The following ATF7 variants were observed in gnomAD, a reference collection of about 807,000 sequenced individuals.
The protein encoded by ATF7 is activating transcription factor 7.
ATF7 carries 10 observed loss-of-function variants against 50.4 expected under a neutral mutation model. The ratio of observed to expected loss-of-function variants is 0.20; its 90% CI spans 0.12 to 0.34. The LOEUF (loss-of-function observed/expected upper bound fraction) is 0.34, where lower values mean the gene tolerates loss of function less well. ATF7 is among the 10% of genes least tolerant of loss of function. The pLI, the probability that ATF7 is intolerant of heterozygous loss-of-function variation, is 1.00. For synonymous variants in ATF7, 201 were observed against 226.4 expected, an observed-to-expected ratio of 0.89 and a Z score of 1.01; for missense variants, 465 against 613.9, an observed-to-expected ratio of 0.76 and a Z score of 2.56.
chr12:53,613,336 G>A (rs953523637), intron 1 of ATF7, among the ~76,000 whole-genome samples: 3 of 152,148 alleles, frequency 2.0e-5, no homozygotes, highest in Non-Finnish European at 2.9e-5. Flanking sequence ...ACATTAAAGA[G>A]ATCTGAAGTT....
chr12:53,522,130 G>GT (rs1245775926), intron 11 of ATF7, among the ~76,000 whole-genome samples: 1 of 152,196 alleles, frequency 6.6e-6, no homozygotes, highest in African/African-American at 2.4e-5. Context: ...CCTTCTAGCA[G>GT]TATTTTATGT....
intron 9 of ATF7, among the ~76,000 whole-genome samples, chr12:53,528,972 G>GCTAGA (rs1436234675): frequency 6.6e-6 from 1 of 151,946 alleles, no homozygotes; most frequent in African/African-American, 2.4e-5. Flanking sequence ...GGGCATGGTG[G>GCTAGA]CTAGGGCCTA....
intron 2 of ATF7, 73 bp downstream of exon 2, chr12:53,600,880 C>G: frequency 6.8e-7 from 1 of 1,466,752 alleles, no homozygotes; most frequent in Admixed American, 1.9e-5. Flanking sequence ...GCTTTAAACT[C>G]TTTGCCTTAG....
rs777175794 is a variant in ATF7 at position 53,534,584 on chromosome 12, A to G, written c.478T>C (p.Leu160=). Residue 160 remains leucine, a synonymous_variant, in exon 6 of 12, where the codon TTG becomes CTG. Coordinates refer to ENST00000420353, the MANE Select transcript of ATF7 (RefSeq NM_006856.3). ...GTTGGATGAAGTGGATCATAGCCCA[A>G]GTGGAGAGGCAGGGAGCCAGGACGT... ...IVRPGSLPLH[L]GYDPLHPTLP... The G allele has an allele frequency of 1.8e-5, 29 of 1,613,598 alleles. No homozygotes were observed. Among genetic ancestry groups the G allele is most frequent in the Non-Finnish European group, 5.9e-6 (7 of 1,179,860 alleles).
intron 1 of ATF7, among the ~76,000 whole-genome samples, chr12:53,612,149 T>C (rs1943907317): frequency 6.6e-6 from 1 of 151,590 alleles, no homozygotes; most frequent in African/African-American, 2.4e-5. Context: ...CTAATTTTTG[T>C]ATTTTTAGTA....
intron 11 of ATF7, among the ~76,000 whole-genome samples, chr12:53,519,250 A>G (rs1222995057): frequency 6.6e-6 from 1 of 152,156 alleles, no homozygotes; most frequent in Non-Finnish European, 1.5e-5. Context: ...CTCCCAGTTT[A>G]GGGGCTTTTT....
At chr12:53,535,989 GC>G (rs1939197008) in intron 5 of ATF7, among the ~76,000 whole-genome samples, 1 of 151,792 alleles carries the variant, frequency 6.6e-6, no homozygotes, top group Non-Finnish European at 1.5e-5. Flanking sequence ...CTGCACTCCA[GC>G]CTGGGCATCA....
chr12:53,551,250 C>T (rs1185185692), intron 3 of ATF7, among the ~76,000 whole-genome samples: 1 of 152,166 alleles, frequency 6.6e-6, no homozygotes, highest in Non-Finnish European at 1.5e-5. Context: ...ACCTCAAACT[C>T]CTGGGCTCAA....
chr12:53,531,877 G>A lies in ATF7; in HGVS notation c.794C>T (p.Thr265Ile), dbSNP rs1319296570. 6.2e-7 allele frequency: 1 copy of A among 1,613,714 alleles called. No homozygotes were observed. The highest frequency in any genetic ancestry group is 8.5e-7 in the Non-Finnish European group (1 of 1,179,860). Reference sequence around the variant, plus strand: ...ACCATTGATTGAGGAGACTTGGTGAGTTAGGGTGGCTTTCAGTCTCTGTGG... The same window carrying A: ...ACCATTGATTGAGGAGACTTGGTGAATTAGGGTGGCTTTCAGTCTCTGTGG... ...EAKMRLKATLTHQVSSINGGC... is the reference protein window; with the variant it reads ...EAKMRLKATLIHQVSSINGGC... Residue 265 changes from threonine to isoleucine, a missense_variant, in exon 9 of 12, where the codon ACT (threonine) becomes ATT (isoleucine). Physicochemically the swap from Thr to Ile is moderately conservative, Grantham distance 89. Coordinates refer to ENST00000420353, the MANE Select transcript of ATF7 (RefSeq NM_006856.3).
rs1033983925 is a variant in ATF7 at position 53,533,084 on chromosome 12, G to A, written c.660+76C>T. ...GCCCACATTTCCCTGGGGCTCATGT[G>A]TATTTTATGACCATTCAGGTGGAAG... On this transcript the variant is annotated intron_variant, in intron 7 of 11. Coordinates refer to ENST00000420353, the MANE Select transcript of ATF7 (RefSeq NM_006856.3). 1.4e-5 allele frequency: 19 copies of A among 1,322,194 alleles called. No individual in the cohort carries two copies. In the Middle Eastern group the frequency reaches 2.8e-3, roughly 195 times the overall value. The allele number at this position is 1,322,194 out of a possible 1,614,324, so 81.9% of individuals were successfully genotyped here. A position where few individuals can be genotyped will look rare whatever the true frequency, so the allele number is the denominator to read the frequency against.
At position 53,535,149 on chromosome 12, in the gene ATF7, T is replaced by C. The variant is rs58585248; in HGVS notation, c.403-490A>G. On this transcript the variant is annotated intron_variant, in intron 5 of 11. Coordinates refer to ENST00000420353, the MANE Select transcript of ATF7 (RefSeq NM_006856.3). ...ATCATACTGTAATAAAACAAACTGC[T>C]CTCATTGTTAACTTCTTAAGATCTT... Among the ~76,000 whole-genome samples the C allele has an allele frequency of 8.9e-3, 1,351 of 152,182 alleles. 22 individuals carry two copies. The highest frequency in any genetic ancestry group is 0.031 in the African/African-American group (1,305 of 41,492).
At chr12:53,599,089 T>C (rs1943279017) in intron 2 of ATF7, among the ~76,000 whole-genome samples, 1 of 152,186 alleles carries the variant, frequency 6.6e-6, no homozygotes, top group Non-Finnish European at 1.5e-5. Context: ...TAGAGTGCAG[T>C]GGCATGATCA....
intron 4 of ATF7, among the ~76,000 whole-genome samples, chr12:53,537,825 G>C (rs1003096182): frequency 6.6e-6 from 1 of 152,014 alleles, no homozygotes; most frequent in Non-Finnish European, 1.5e-5. Flanking sequence ...AGATTCTCCC[G>C]CCTCAGCCTC....
chr12:53,526,937 T>A (rs532547147), intron 9 of ATF7, among the ~76,000 whole-genome samples: 1 of 145,892 alleles, frequency 6.9e-6, no homozygotes, highest in Non-Finnish European at 1.5e-5. Context: ...GGCGGGTGGA[T>A]CACCTGAGGT....
At chr12:53,602,812 A>AT (rs1439585112) in intron 1 of ATF7, among the ~76,000 whole-genome samples, 3 of 152,270 alleles carry the variant, frequency 2.0e-5, no homozygotes, top group Non-Finnish European at 2.9e-5. Flanking sequence ...TAAATACATG[A>AT]TTTTTTTAGC....
chr12:53,577,394 G>C (rs773568851), intron 2 of ATF7, among the ~76,000 whole-genome samples: 1 of 151,798 alleles, frequency 6.6e-6, no homozygotes, highest in Non-Finnish European at 1.5e-5. Flanking sequence ...AATACAAAAG[G>C]TATAATATGT....
At chr12:53,564,797 T>C (rs889085528) in intron 2 of ATF7, among the ~76,000 whole-genome samples, 2 of 152,228 alleles carry the variant, frequency 1.3e-5, no homozygotes, top group Non-Finnish European at 2.9e-5. Context: ...ACCTTTGGCC[T>C]GCAGACCACA....
At chr12:53,523,240 G>T in intron 11 of ATF7, 36 bp downstream of exon 11, 2 of 1,416,354 alleles carry the variant, frequency 1.4e-6, no homozygotes, top group South Asian at 1.1e-5. Flanking sequence ...GCAGTTTACT[G>T]ACTGACTGAC....
At chr12:53,613,924 T>C (rs1246806199) in intron 1 of ATF7, among the ~76,000 whole-genome samples, 2 of 151,694 alleles carry the variant, frequency 1.3e-5, no homozygotes, top group East Asian at 1.9e-4. Context: ...GGGCCCTAGA[T>C]TGATCAAACA....
Sources: gnomAD v4.1 joint callset for allele counts (sites outside exome capture counted in the v4.1 genomes callset) on GRCh38, gnomAD v4.1.1 for gene constraint, MANE v1.5 for transcripts, NCBI Gene and HGNC (gene_info 2026-07-23, HGNC 2026-07-21) for gene names.